ARL15: variants seen among roughly 807,000 people sequenced by gnomAD.
The protein encoded by ARL15 is ARF like GTPase 15.
ARL15 carries 19 observed loss-of-function variants against 25.2 expected under a neutral mutation model. That is an observed-to-expected ratio of 0.75 (90% CI 0.53 to 1.10). The LOEUF (loss-of-function observed/expected upper bound fraction) is 1.10, where lower values mean the gene tolerates loss of function less well. ARL15 is among the 50% of genes least tolerant of loss of function. The pLI is 0.00. For synonymous variants in ARL15, 94 were observed against 86.8 expected (o/e 1.08, Z -0.46); for missense variants, 220 against 246.0 (o/e 0.89, Z 0.71).
At chr5:54,308,618 CAAAT>C (rs988316989) in intron 1 of ARL15, among the ~76,000 whole-genome samples, 2 of 152,150 alleles carry the variant, frequency 1.3e-5, no homozygotes, top group Non-Finnish European at 1.5e-5. Flanking sequence ...AGTAAATTGG[CAAAT>C]AAATTAATCT....
chr5:53,943,561 A>T (rs1199392029), intron 4 of ARL15, among the ~76,000 whole-genome samples: 5 of 152,150 alleles, frequency 3.3e-5, no homozygotes, highest in African/African-American at 1.2e-4. Flanking sequence ...AGTTTTTCTG[A>T]TGCAGGTATG....
At chr5:54,054,587 A>G (rs974276513) in intron 4 of ARL15, among the ~76,000 whole-genome samples, 5 of 152,134 alleles carry the variant, frequency 3.3e-5, no homozygotes, top group Admixed American at 6.6e-5. Flanking sequence ...TCAGGAGATC[A>G]AGACCATCCT....
At chr5:53,977,611 A>C (rs1157983964) in intron 4 of ARL15, among the ~76,000 whole-genome samples, 2 of 152,348 alleles carry the variant, frequency 1.3e-5, no homozygotes, top group Non-Finnish European at 2.9e-5. Context: ...TTGCCAGAAC[A>C]AACTAAGGCA....
At position 54,254,014 on chromosome 5, in the gene ARL15, G is replaced by A. The variant is rs72754252; in HGVS notation, c.48+56418C>T. Among the ~76,000 whole-genome samples, 1,483 of 152,290 alleles carry A rather than the reference G, an allele frequency of 9.7e-3. 9 individuals are homozygous for A. Among genetic ancestry groups the A allele is most frequent in the Middle Eastern group, 0.02 (6 of 294 alleles). The stretch of plus-strand genomic sequence containing the variant: ...TCACTAACAAGTTTCTTAAGACATG[G>A]GAGCATTGCAAGATAGGAGCTTGGG... On this transcript the variant is annotated intron_variant, in intron 1 of 4. Transcript: ENST00000504924.
chr5:54,060,551 C>T (rs1751033223), intron 4 of ARL15, among the ~76,000 whole-genome samples: 1 of 152,218 alleles, frequency 6.6e-6, no homozygotes, highest in African/African-American at 2.4e-5. Context: ...TCCCCCTTGC[C>T]TTCCACCATG....
intron 4 of ARL15, among the ~76,000 whole-genome samples, chr5:54,061,225 T>C (rs977560856): frequency 2.0e-5 from 3 of 152,172 alleles, no homozygotes; most frequent in African/African-American, 4.8e-5. Flanking sequence ...AGGGCCAACA[T>C]AGATCTCAGG....
chr5:54,023,903 G>C (rs1013633985), intron 4 of ARL15, among the ~76,000 whole-genome samples: 5 of 152,152 alleles, frequency 3.3e-5, no homozygotes, highest in African/African-American at 1.2e-4. Flanking sequence ...AACAGACTTT[G>C]TCCTAGGCCG....
intron 4 of ARL15, among the ~76,000 whole-genome samples, chr5:53,998,740 C>T: frequency 6.6e-6 from 1 of 152,120 alleles, no homozygotes; most frequent in East Asian, 1.9e-4. Flanking sequence ...GAGCTGTGTT[C>T]CAGGCACTGT....
chr5:54,074,154 T>C (rs555051493), intron 4 of ARL15, among the ~76,000 whole-genome samples: 31 of 152,344 alleles, frequency 2.0e-4, no homozygotes, highest in African/African-American at 7.2e-4. Flanking sequence ...GATTATAACA[T>C]GTTCAAATGG....
chr5:53,923,250 C>G (rs1479263543), intron 4 of ARL15, among the ~76,000 whole-genome samples: 2 of 152,122 alleles, frequency 1.3e-5, no homozygotes, highest in Non-Finnish European at 2.9e-5. Context: ...CCTCCCACAC[C>G]AGAAACAAAG....
chr5:54,058,549 G>T lies in ARL15; in HGVS notation c.462+54653C>A, dbSNP rs10043596. On this transcript the variant is annotated intron_variant, in intron 4 of 4. Coordinates refer to ENST00000504924, the MANE Select transcript of ARL15 (RefSeq NM_019087.3). ...TATGTAATATGTGAGAAGGAAATAC[G>T]TGCTATGAAGAAAGTCTTGAAGACA... 8.7e-3 allele frequency among the ~76,000 whole-genome samples: 1,330 copies of T among 152,266 alleles called. 25 individuals are homozygous for T. Among genetic ancestry groups the T allele is most frequent in the African/African-American group, 0.031 (1,272 of 41,522 alleles).
rs1758293565 is a variant in ARL15 at position 54,290,399 on chromosome 5, TG to T, written c.48+20032del. Among the ~76,000 whole-genome samples the T allele has an allele frequency of 4.6e-5, 7 of 151,366 alleles. 1 individual carries two copies. The highest frequency in any genetic ancestry group is 1.7e-4 in the African/African-American group (7 of 41,208). On this transcript the variant is annotated intron_variant, in intron 1 of 4. Coordinates refer to ENST00000504924, the MANE Select transcript of ARL15 (RefSeq NM_019087.3). ...CTCGCTGCAACCTCTGCCCACCTCC[TG>T]GGTTCAAGCGATTCTCCTGCCTCAG... is the stretch of plus-strand genomic sequence containing the variant.
chr5:54,133,887 A>G (rs1315593013), intron 3 of ARL15, among the ~76,000 whole-genome samples: 1 of 152,110 alleles, frequency 6.6e-6, no homozygotes, highest in African/African-American at 2.4e-5. Flanking sequence ...ACTCGCAAAA[A>G]TGTTAAGATC....
chr5:54,178,577 A>G (rs1238556690), intron 1 of ARL15, among the ~76,000 whole-genome samples: 1 of 152,210 alleles, frequency 6.6e-6, no homozygotes, highest in Non-Finnish European at 1.5e-5. Flanking sequence ...GTCACCCATA[A>G]CTTTAAGTGG....
chr5:54,050,236 A>G (rs1465286530), intron 4 of ARL15, among the ~76,000 whole-genome samples: 1 of 152,164 alleles, frequency 6.6e-6, no homozygotes, highest in Admixed American at 6.5e-5. Context: ...GCTACATTAC[A>G]ATGGGAGGGA....
At chr5:54,106,611 A>G (rs1032801634) in intron 4 of ARL15, among the ~76,000 whole-genome samples, 1 of 152,168 alleles carries the variant, frequency 6.6e-6, no homozygotes, top group African/African-American at 2.4e-5. Flanking sequence ...AATGCTACGT[A>G]TATAGTTGTT....
chr5:54,027,128 A>G (rs573504870), intron 4 of ARL15, among the ~76,000 whole-genome samples: 1 of 152,258 alleles, frequency 6.6e-6, no homozygotes, highest in African/African-American at 2.4e-5. Flanking sequence ...AATTTAATTG[A>G]CTGTCTTTGG....
intron 4 of ARL15, among the ~76,000 whole-genome samples, chr5:54,056,378 T>C (rs1579746303): frequency 6.6e-6 from 1 of 152,008 alleles, no homozygotes; most frequent in East Asian, 1.9e-4. Context: ...GCACCTGTAA[T>C]CCCAGCACTT....
chr5:54,127,267 A>C (rs1305190482), intron 3 of ARL15, among the ~76,000 whole-genome samples: 2 of 152,158 alleles, frequency 1.3e-5, no homozygotes, highest in African/African-American at 4.8e-5. Context: ...GTTTGGTTCC[A>C]AGTCTTTGCT....
Sources: allele counts gnomAD v4.1 joint callset (sites outside exome capture counted in the v4.1 genomes callset), GRCh38; gene constraint gnomAD v4.1.1; transcripts MANE v1.5; gene names NCBI Gene and HGNC (gene_info 2026-07-23, HGNC 2026-07-21).